The following MUTYH variants were observed in gnomAD, a reference collection of about 807,000 sequenced individuals.
The protein encoded by MUTYH is mutY DNA glycosylase.
In MUTYH, 64 loss-of-function variants were observed where a neutral mutation model predicts 72.9. The ratio of observed to expected loss-of-function variants is 0.88; its 90% CI spans 0.72 to 1.08. The LOEUF (loss-of-function observed/expected upper bound fraction) is 1.08, where lower values mean the gene tolerates loss of function less well. Ranked by LOEUF, MUTYH falls within the 50% of genes least tolerant of loss-of-function variation. The pLI, the probability that MUTYH is intolerant of heterozygous loss-of-function variation, is 0.00. For synonymous variants in MUTYH, 234 were observed against 263.1 expected (o/e 0.89, Z 1.07); for missense variants, 633 against 671.0 (o/e 0.94, Z 0.63).
rs1064794128 is a variant in MUTYH at position 45,333,544 on chromosome 1, C to T, written c.133G>A (p.Glu45Lys). ...ACAGAGGCCTGCAATACCACCTCTT[C>T]CGGCTGCCTGGCCAGGCCTGCTGGG... ...SACDGLARQP[E>K]EVVLQASVSS... The change falls in exon 3 of 16, where the codon GAA becomes AAA. Residue 45 changes from glutamate (E) to lysine (K), a missense_variant. Coordinates refer to ENST00000456914, the MANE Select transcript of MUTYH (RefSeq NM_001048174.2). The T allele has an allele frequency of 6.2e-7, 1 of 1,614,020 alleles. No individual in the cohort carries two copies. The highest frequency in any genetic ancestry group is 8.5e-7 in the Non-Finnish European group (1 of 1,179,894).
chr1:45,339,527 C>A (rs2149240284), intron 1 of MUTYH: 1 of 277,536 alleles, frequency 3.6e-6, no homozygotes, highest in South Asian at 3.0e-5. Flanking sequence ...GAACCTCTTT[C>A]AAATTCAATC....
At chr1:45,339,205 ATTTTT>A (rs60609540) in intron 1 of MUTYH, among the ~76,000 whole-genome samples, 2 of 118,230 alleles carry the variant, frequency 1.7e-5, no homozygotes, top group African/African-American at 6.9e-5. Flanking sequence ...TCCAATAGGA[ATTTTT>A]TTTTTTTTTT....
At chr1:45,337,744 A>C (rs1266973388) in intron 1 of MUTYH, among the ~76,000 whole-genome samples, 1 of 152,118 alleles carries the variant, frequency 6.6e-6, no homozygotes, top group Non-Finnish European at 1.5e-5. Context: ...TTAAAGAAAA[A>C]AAAAGATTGA....
upstream of MUTYH, chr1:45,340,344 C>T (rs1646841531): frequency 6.3e-7 from 1 of 1,594,362 alleles, no homozygotes; most frequent in Non-Finnish European, 8.5e-7. Context: ...AGCCTCTGCG[C>T]TCTGGGAGAG....
chr1:45,336,202 A>G (rs908755263), intron 1 of MUTYH, among the ~76,000 whole-genome samples: 2 of 152,194 alleles, frequency 1.3e-5, no homozygotes, highest in Admixed American at 1.3e-4. Context: ...AAACAAATAG[A>G]GCTGGACATG....
At position 45,332,948 on chromosome 1, in the gene MUTYH, T is replaced by A. The variant is rs780182847; in HGVS notation, c.390A>T (p.Thr130=). The A allele has an allele frequency of 2.7e-5, 43 of 1,614,080 alleles. No homozygotes were observed. The highest frequency in any genetic ancestry group is 3.6e-5 in the Non-Finnish European group (43 of 1,179,992). ...YYTGWMQKWP[T]LQDLASASLE... is the part of the protein sequence containing the mutation. ...GGGAAGCACTGGCCAGGTCCTGCAG[T>A]GTAGGCCACTTCTATAGCCACAGGC... The change falls in exon 6 of 16, where the codon ACA becomes ACT. Residue 130 remains threonine (T), a synonymous_variant. Coordinates refer to ENST00000456914, the MANE Select transcript of MUTYH (RefSeq NM_001048174.2).
chr1:45,334,408 T>C lies in MUTYH; in HGVS notation c.98A>G (p.Lys33Arg), dbSNP rs757260904. 3 of 1,614,146 alleles carry C rather than the reference T, an allele frequency of 1.9e-6. No individual in the cohort carries two copies. The highest frequency in any genetic ancestry group is 2.5e-6 in the Non-Finnish European group (3 of 1,180,006). The change falls in exon 2 of 16, where the codon AAG (lysine) becomes AGG (arginine). Residue 33 changes from lysine to arginine, a missense_variant. Physicochemically the swap from Lys to Arg is conservative, Grantham distance 26 (BLOSUM62 2). Coordinates refer to ENST00000456914, the MANE Select transcript of MUTYH (RefSeq NM_001048174.2). ...TTCCTTACCATCACAGGCAGAAGGCTTGGCCTGACTGTTGTTCTTAGCATG... is the reference window on the plus strand; with the variant it reads ...TTCCTTACCATCACAGGCAGAAGGCCTGGCCTGACTGTTGTTCTTAGCATG... The part of the protein sequence containing the change: ...QKHAKNNSQA[K>R]PSACDGLARQ...
At chr1:45,339,412 C>T (rs1281656580) in intron 1 of MUTYH, among the ~76,000 whole-genome samples, 3 of 151,334 alleles carry the variant, frequency 2.0e-5, no homozygotes, top group Non-Finnish European at 4.4e-5. Context: ...CGGGGTTTCA[C>T]CATGTTGGCC....
chr1:45,337,770 G>A (rs1646124613), intron 1 of MUTYH, among the ~76,000 whole-genome samples: 1 of 152,072 alleles, frequency 6.6e-6, no homozygotes, highest in Non-Finnish European at 1.5e-5. Context: ...TATTTATAGA[G>A]CCCCCTAATA....
chr1:45,332,604 A>T lies in MUTYH; in HGVS notation c.576T>A (p.Ala192=). ...QLLPGVGRYT[A]GAIASIAFGQ... ...CAAAGGCGATAGAGGCAATGGCCCC[A>T]GCTGTGTAGCGCCCCACGCCAGGCA... is the stretch of plus-strand genomic sequence containing the variant. Residue 192 remains alanine, a synonymous_variant, in exon 8 of 16, where the codon GCT becomes GCA. Coordinates refer to ENST00000456914, the MANE Select transcript of MUTYH (RefSeq NM_001048174.2). 6.2e-7 allele frequency: 1 copy of T among 1,614,146 alleles called. No individual in the cohort carries two copies. The highest frequency in any genetic ancestry group is 8.5e-7 in the Non-Finnish European group (1 of 1,180,008).
At position 45,331,515 on chromosome 1, in the gene MUTYH, C is replaced by T. The variant is rs587782690; in HGVS notation, c.1144G>A (p.Glu382Lys). The T allele has an allele frequency of 1.9e-6, 3 of 1,613,930 alleles. No individual in the cohort carries two copies. The highest frequency in any genetic ancestry group is 2.5e-6 in the Non-Finnish European group (3 of 1,180,026). The change falls in exon 13 of 16, where the codon GAG becomes AAG. Residue 382 changes from glutamate to lysine, a missense_variant. Coordinates refer to ENST00000456914, the MANE Select transcript of MUTYH (RefSeq NM_001048174.2). ...GLWEFPSVTW[E>K]PSEQLQRKAL... ...TTGCGCTGAAGCTGCTCTGAGGGCTCCCAGGTCACGGACGGGAACTCCCAC... is the reference window on the plus strand; with the variant it reads ...TTGCGCTGAAGCTGCTCTGAGGGCTTCCAGGTCACGGACGGGAACTCCCAC...
At chr1:45,331,055 A>C (rs973372782) in intron 14 of MUTYH, 127 bp downstream of exon 14, 4 of 1,324,066 alleles carry the variant, frequency 3.0e-6, no homozygotes, top group Non-Finnish European at 4.3e-6. Context: ...ATTGCACTCC[A>C]GCCTGGGCAA....
rs760994413 is a variant in MUTYH, at chr1:45,331,324, G to A, written c.1250C>T (p.Thr417Ile). 2 of 1,614,212 alleles carry A rather than the reference G, an allele frequency of 1.2e-6. No homozygotes were observed. The highest frequency in any genetic ancestry group is 2.2e-5 in the South Asian group (2 of 91,080). Reference sequence around the variant, plus strand: ...ATATGTCAGCTTGATGTGAGAGAAGGTGTGGACAACCTGGAGGAAGGGTCA... The same window carrying A: ...ATATGTCAGCTTGATGTGAGAGAAGATGTGGACAACCTGGAGGAAGGGTCA... ...HLRHLGEVVHTFSHIKLTYQV... is the reference protein window; with the variant it reads ...HLRHLGEVVHIFSHIKLTYQV... Residue 417 changes from threonine to isoleucine, a missense_variant, in exon 14 of 16, where the codon ACC becomes ATC. Transcript: ENST00000456914.
rs876660787 is a variant in MUTYH, at chr1:45,332,959, T to A, written c.379A>T (p.Lys127Ter). ...VINYYTGWMQ[K>*]WPTLQDLASA... ...GCCAGGTCCTGCAGTGTAGGCCACT[T>A]CTATAGCCACAGGCAGGCAGAAAGA... The change falls in exon 6 of 16, where the codon AAG (lysine) becomes TAG (stop). Residue 127 changes from lysine to a stop codon, truncating the protein, a stop_gained and splice_region_variant. Coordinates refer to ENST00000456914, the MANE Select transcript of MUTYH (RefSeq NM_001048174.2). LOFTEE classifies it high-confidence loss of function. The A allele has an allele frequency of 6.2e-7, 1 of 1,614,020 alleles. No individual in the cohort carries two copies. The highest frequency in any genetic ancestry group is 1.3e-5 in the African/African-American group (1 of 74,986).
At chr1:45,335,263 C>G (rs931619782) in intron 1 of MUTYH, among the ~76,000 whole-genome samples, 1 of 152,128 alleles carries the variant, frequency 6.6e-6, no homozygotes, top group Non-Finnish European at 1.5e-5. Flanking sequence ...GAGGTATGTA[C>G]TAGTATCACC....
chr1:45,329,604 C>T (rs1644427600), intron 15 of MUTYH, among the ~76,000 whole-genome samples, 167 bp from the exon 16 acceptor site: 1 of 152,160 alleles, frequency 6.6e-6, no homozygotes, highest in Admixed American at 6.5e-5. Flanking sequence ...TCAATCAACC[C>T]TCCAAAAGGC....
chr1:45,340,420 A>T (rs948007076), upstream of MUTYH: 2 of 1,530,676 alleles, frequency 1.3e-6, no homozygotes, highest in Admixed American at 4.0e-5. Flanking sequence ...CTTCCGCCTG[A>T]ACTAGCCACG....
chr1:45,338,037 G>A, intron 1 of MUTYH: 1 of 444,230 alleles, frequency 2.3e-6, no homozygotes, highest in Non-Finnish European at 4.6e-6. Flanking sequence ...CATTCTAAGT[G>A]AGTGCAAAGG....
At chr1:45,334,555 C>T in intron 1 of MUTYH, 44 bp from the exon 2 acceptor site, 1 of 1,613,400 alleles carries the variant, frequency 6.2e-7, no homozygotes, top group South Asian at 1.1e-5. Flanking sequence ...CACAATGAGG[C>T]CAAATTTTGA....
Sources: allele counts gnomAD v4.1 joint callset (sites outside exome capture counted in the v4.1 genomes callset), GRCh38; gene constraint gnomAD v4.1.1; transcripts MANE v1.5; gene names NCBI Gene and HGNC (gene_info 2026-07-23, HGNC 2026-07-21).